The following FAT4 variants were observed in gnomAD, a reference collection of about 807,000 sequenced individuals.
FAT4 encodes protocadherin Fat 4.
In FAT4, 84 loss-of-function variants were observed where a neutral mutation model predicts 303.9. The ratio of observed to expected loss-of-function variants is 0.28; its 90% CI spans 0.23 to 0.33. The LOEUF (loss-of-function observed/expected upper bound fraction) is 0.33. Among genes scored for constraint, FAT4 ranks in the 10% least tolerant of loss-of-function variants. The pLI is 1.00. For missense variants in FAT4, 6,005 were observed against 6,146.8 expected (o/e 0.98, Z 0.77); for synonymous variants, 2,307 against 2,298.8 (o/e 1.00, Z -0.10).
chr4:125,462,056 G>C (rs551873404), intron 10 of FAT4, among the ~76,000 whole-genome samples: 1 of 151,960 alleles, frequency 6.6e-6, no homozygotes, highest in Admixed American at 6.6e-5. Context: ...GAAATTGTTA[G>C]CTCAATGTTT....
intron 4 of FAT4, among the ~76,000 whole-genome samples, chr4:125,407,346 T>C (rs1734658650): frequency 1.3e-5 from 2 of 152,246 alleles, no homozygotes; most frequent in South Asian, 4.1e-4. Context: ...TTAGGATGAA[T>C]GAGGTTAGCC....
intron 16 of FAT4, among the ~76,000 whole-genome samples, chr4:125,482,845 A>G (rs1727275531): frequency 6.6e-6 from 1 of 152,206 alleles, no homozygotes; most frequent in Non-Finnish European, 1.5e-5. Flanking sequence ...GCATATAAAT[A>G]TATTTAATAA....
chr4:125,383,060 A>G (rs1304694273), intron 2 of FAT4, among the ~76,000 whole-genome samples: 15 of 152,172 alleles, frequency 9.9e-5, no homozygotes, highest in Admixed American at 9.8e-4. Context: ...TCTTCGTGTC[A>G]GCAATAAGGC....
At chr4:125,416,200 AC>A (rs1477623922) in intron 6 of FAT4, among the ~76,000 whole-genome samples, 1 of 152,186 alleles carries the variant, frequency 6.6e-6, no homozygotes, top group African/African-American at 2.4e-5. Flanking sequence ...CCTAGGTGAA[AC>A]TGCTCTTAAA....
At chr4:125,487,898 A>T (rs2126093637) in intron 17 of FAT4, among the ~76,000 whole-genome samples, 1 of 152,278 alleles carries the variant, frequency 6.6e-6, no homozygotes, top group Non-Finnish European at 1.5e-5. Context: ...TAGTGTTTTG[A>T]TGCTTTGCTT....
At chr4:125,434,461 T>C in intron 8 of FAT4, 36 bp downstream of exon 8, 1 of 1,590,166 alleles carries the variant, frequency 6.3e-7, no homozygotes, top group East Asian at 2.2e-5. Flanking sequence ...TTGTCTGTTT[T>C]CTCATTAAAC....
At position 125,319,263 on chromosome 4, in the gene FAT4, T is replaced by A. The variant is rs763521782; in HGVS notation, c.2852T>A (p.Leu951Gln). Reference sequence around the variant, plus strand: ...AATGAAAAGAATGGCACTATTAGTCTGCTTGGGCCCCTGGATGTTCATGCT... The same window carrying A: ...AATGAAAAGAATGGCACTATTAGTCAGCTTGGGCCCCTGGATGTTCATGCT... ...AINEKNGTIS[L>Q]LGPLDVHAGS... is the part of the protein sequence containing the mutation. Residue 951 changes from leucine to glutamine, a missense_variant, in exon 2 of 18, where the codon CTG (leucine) becomes CAG (glutamine). By Grantham distance (113) the Leu-to-Gln change is moderately radical. Transcript: ENST00000394329. The A allele has an allele frequency of 1.6e-5, 26 of 1,614,200 alleles. No individual in the cohort carries two copies. The highest frequency in any genetic ancestry group is 1.9e-5 in the Non-Finnish European group (23 of 1,180,038).
chr4:125,463,628 C>T lies in FAT4; in HGVS notation c.11866C>T (p.Gln3956Ter). The T allele has an allele frequency of 6.3e-7, 1 of 1,598,720 alleles. No homozygotes were observed. The highest frequency in any genetic ancestry group is 8.5e-7 in the Non-Finnish European group (1 of 1,170,666). The change falls in exon 11 of 18, where the codon CAA (glutamine) becomes TAA (stop). Residue 3956 changes from glutamine to a stop codon, truncating the protein, a stop_gained. Transcript: ENST00000394329. LOFTEE classifies it high-confidence loss of function. ...CNPCFNGGSC[Q>*]SGVDSYYCHC... is the part of the protein sequence containing the mutation. ...CCCCTGCTTTAATGGTGGTTCCTGCCAAAGTGGTGTGGATTCTTATTATTG... is the reference window on the plus strand; with the variant it reads ...CCCCTGCTTTAATGGTGGTTCCTGCTAAAGTGGTGTGGATTCTTATTATTG...
chr4:125,346,873 G>A (rs1732022588), intron 2 of FAT4, among the ~76,000 whole-genome samples: 1 of 152,014 alleles, frequency 6.6e-6, no homozygotes, highest in African/African-American at 2.4e-5. Context: ...TTAAAACAAA[G>A]CTGTGAATAG....
chr4:125,342,060 A>G (rs1444970414), intron 2 of FAT4, among the ~76,000 whole-genome samples: 1 of 151,990 alleles, frequency 6.6e-6, no homozygotes, highest in African/African-American at 2.4e-5. Context: ...ATAACATCAA[A>G]TATTATAAAA....
chr4:125,428,069 C>A (rs1396060655), intron 7 of FAT4, among the ~76,000 whole-genome samples: 1 of 152,000 alleles, frequency 6.6e-6, no homozygotes, highest in Non-Finnish European at 1.5e-5. Context: ...GAGGCTGAGG[C>A]AGGAGATCAC....
intron 3 of FAT4, among the ~76,000 whole-genome samples, chr4:125,405,656 T>C (rs1734570337): frequency 6.6e-6 from 1 of 151,702 alleles, no homozygotes. Flanking sequence ...GACTCCAGGC[T>C]ACTGGCTAAT....
intron 17 of FAT4, among the ~76,000 whole-genome samples, chr4:125,488,070 A>C (rs7686185): frequency 0.38 from 58,403 of 152,092 alleles, 11,240 homozygotes; most frequent in Middle Eastern, 0.46. Flanking sequence ...GTAGAATTCT[A>C]AAATATAGTG....
chr4:125,435,448 G>T (rs1365045911), intron 8 of FAT4, among the ~76,000 whole-genome samples: 1 of 152,078 alleles, frequency 6.6e-6, no homozygotes, highest in African/African-American at 2.4e-5. Context: ...ATCAGCTATG[G>T]GTACCAGATA....
At chr4:125,417,422 T>C (rs1322857878) in intron 7 of FAT4, among the ~76,000 whole-genome samples, 1 of 152,172 alleles carries the variant, frequency 6.6e-6, no homozygotes, top group African/African-American at 2.4e-5. Flanking sequence ...AGCCAAACTA[T>C]AAGTTCCTGA....
At chr4:125,400,720 A>AG (rs1211125413) in intron 3 of FAT4, among the ~76,000 whole-genome samples, 1 of 151,578 alleles carries the variant, frequency 6.6e-6, no homozygotes, top group East Asian at 1.9e-4. Context: ...TAAGTTTAAA[A>AG]AAAAATGTAA....
At chr4:125,459,954 T>C (rs1726425354) in intron 10 of FAT4, among the ~76,000 whole-genome samples, 1 of 152,076 alleles carries the variant, frequency 6.6e-6, no homozygotes, top group Non-Finnish European at 1.5e-5. Flanking sequence ...TAAAAAAGCA[T>C]AAACTTTCCA....
chr4:125,365,347 G>A (rs1273088215), intron 2 of FAT4, among the ~76,000 whole-genome samples: 10 of 152,110 alleles, frequency 6.6e-5, no homozygotes, highest in Admixed American at 6.6e-4. Context: ...CACGAGCTTG[G>A]ATATGTTGTC....
At chr4:125,386,567 G>A (rs1733758339) in intron 2 of FAT4, among the ~76,000 whole-genome samples, 1 of 152,096 alleles carries the variant, frequency 6.6e-6, no homozygotes, top group Non-Finnish European at 1.5e-5. Flanking sequence ...ACTGCACCTG[G>A]CCCTGAGTTT....
Sources: gnomAD v4.1 joint callset for allele counts (sites outside exome capture counted in the v4.1 genomes callset) on GRCh38, gnomAD v4.1.1 for gene constraint, MANE v1.5 for transcripts, NCBI Gene and HGNC (gene_info 2026-07-23, HGNC 2026-07-21) for gene names.